TCEA1: variants seen among roughly 807,000 people sequenced by gnomAD.
The protein encoded by TCEA1 is transcription elongation factor A1.
A neutral mutation model predicts 43.8 loss-of-function variants in TCEA1; 21 were observed. That is an observed-to-expected ratio of 0.48 (90% CI 0.34 to 0.69). TCEA1 has a LOEUF of 0.69. TCEA1 is among the 30% of genes least tolerant of loss of function. The pLI is 0.01. For missense variants in TCEA1, 250 were observed against 365.1 expected, an observed-to-expected ratio of 0.68 and a Z score of 2.57; for synonymous variants, 104 against 117.5, an observed-to-expected ratio of 0.88 and a Z score of 0.75.
At chr8:53,979,608 C>G (rs890077302) in intron 7 of TCEA1, among the ~76,000 whole-genome samples, 1 of 152,158 alleles carries the variant, frequency 6.6e-6, no homozygotes, top group African/African-American at 2.4e-5. Context: ...TTGTTCAGAG[C>G]CTGAGATCAC....
intron 2 of TCEA1, among the ~76,000 whole-genome samples, chr8:54,001,000 C>T (rs1804238817): frequency 6.6e-6 from 1 of 152,046 alleles, no homozygotes; most frequent in Non-Finnish European, 1.5e-5. Context: ...CTCAGGTGAT[C>T]CACACACCTC....
chr8:53,987,312 G>A (rs1803719864), intron 5 of TCEA1, among the ~76,000 whole-genome samples: 5 of 152,184 alleles, frequency 3.3e-5, no homozygotes, highest in Admixed American at 2.0e-4. Context: ...ATAAATTCTG[G>A]CTGCTCCAGC....
At chr8:54,012,227 T>C (rs1022726398) in intron 1 of TCEA1, among the ~76,000 whole-genome samples, 10 of 152,232 alleles carry the variant, frequency 6.6e-5, no homozygotes, top group Non-Finnish European at 1.2e-4. Flanking sequence ...GTAAAGCTAT[T>C]TGTGCTCTAT....
intron 8 of TCEA1, among the ~76,000 whole-genome samples, chr8:53,974,918 G>A (rs1803284200): frequency 6.6e-6 from 1 of 151,762 alleles, no homozygotes; most frequent in African/African-American, 2.4e-5. Flanking sequence ...GGGATAATTT[G>A]AAATATATAT....
At chr8:53,992,179 G>A (rs1803903892) in intron 4 of TCEA1, among the ~76,000 whole-genome samples, 1 of 151,078 alleles carries the variant, frequency 6.6e-6, no homozygotes, top group South Asian at 2.1e-4. Flanking sequence ...AGGTGTGGTG[G>A]CATACACCCA....
chr8:54,010,291 C>T, intron 2 of TCEA1, 139 bp downstream of exon 2: 2 of 653,056 alleles, frequency 3.1e-6, no homozygotes, highest in Admixed American at 3.6e-5. Context: ...ATTTATATTG[C>T]CATCTTTAAA....
chr8:54,004,643 G>A (rs1195445926), intron 2 of TCEA1, among the ~76,000 whole-genome samples: 1 of 152,152 alleles, frequency 6.6e-6, no homozygotes, highest in Non-Finnish European at 1.5e-5. Context: ...GGGGGGAACG[G>A]AGAATGACTT....
chr8:53,980,622 C>A (rs560938125), intron 7 of TCEA1, among the ~76,000 whole-genome samples: 7 of 152,214 alleles, frequency 4.6e-5, no homozygotes, highest in African/African-American at 1.7e-4. Flanking sequence ...GTAAGCTTGA[C>A]AAATGCTGTG....
At position 53,988,173 on chromosome 8, in the gene TCEA1, G is replaced by A. The variant is rs747930544; in HGVS notation, c.407C>T (p.Thr136Ile). The change falls in exon 5 of 10, where the codon ACT becomes ATT. Residue 136 changes from threonine (T) to isoleucine (I), a missense_variant. Physicochemically the swap from Thr to Ile is moderately conservative, Grantham distance 89. Around this residue, in one of 4 missense-constraint regions of TCEA1, gnomAD observed 147 missense variants for 160.3 expected, o/e 0.92. Transcript: ENST00000521604. ...ACACTTCAACCGCACAGAATCAGAA[G>A]TGCTTGGTGCCCGAGGAAAGGATGA... ...YVSSFPRAPS[T>I]SDSVRLKCRE... is the part of the protein sequence containing the mutation. 6.2e-7 allele frequency: 1 copy of A among 1,613,006 alleles called. No individual in the cohort carries two copies. The highest frequency in any genetic ancestry group is 1.1e-5 in the South Asian group (1 of 90,904).
intron 1 of TCEA1, among the ~76,000 whole-genome samples, chr8:54,016,610 G>A (rs1010830127): frequency 4.6e-5 from 7 of 151,960 alleles, no homozygotes; most frequent in African/African-American, 7.3e-5. Context: ...AGGCTGAAGC[G>A]GGTAGATCAC....
chr8:53,974,773 G>A (rs548535134), intron 8 of TCEA1, among the ~76,000 whole-genome samples: 2 of 152,088 alleles, frequency 1.3e-5, no homozygotes, highest in South Asian at 2.1e-4. Flanking sequence ...CAGGTGATCC[G>A]CCTGCCTCAG....
chr8:54,022,088 T>C lies in TCEA1; in HGVS notation c.38A>G (p.Asp13Gly), dbSNP rs768622226. Residue 13 changes from aspartate to glycine, a missense_variant, in exon 1 of 10, where the codon GAC (aspartate) becomes GGC (glycine). Coordinates refer to ENST00000521604, the MANE Select transcript of TCEA1 (RefSeq NM_006756.4). ...DEVVRFAKKM[D>G]KMVQKKNAAG... is the part of the protein sequence containing the mutation. ...CGCGTTCTTCTTCTGCACCATCTTG[T>C]CCATCTTCTTGGCAAAGCGGACCAC... 2.5e-6 allele frequency: 4 copies of C among 1,597,978 alleles called. No homozygotes were observed. The highest frequency in any genetic ancestry group is 3.4e-6 in the Non-Finnish European group (4 of 1,172,066).
At position 54,022,111 on chromosome 8, in the gene TCEA1, C is replaced by T. The variant is rs751786399; in HGVS notation, c.15G>A (p.Val5=). 1 of 1,606,960 alleles carries T rather than the reference C, an allele frequency of 6.2e-7. No individual in the cohort carries two copies. Among genetic ancestry groups the T allele is most frequent in the African/African-American group, 1.4e-5 (1 of 73,892 alleles). MEDE[V]VRFAKKMDKM... The stretch of plus-strand genomic sequence containing the variant: ...TGTCCATCTTCTTGGCAAAGCGGAC[C>T]ACTTCGTCCTCCATGGCTCCGGCAG... The change falls in exon 1 of 10, where the codon GTG becomes GTA. Residue 5 remains valine (V), a synonymous_variant. Transcript: ENST00000521604.
chr8:53,973,264 G>A, intron 8 of TCEA1: 1 of 485,842 alleles, frequency 2.1e-6, no homozygotes, highest in South Asian at 1.9e-5. Context: ...ATATGGAAAT[G>A]GAAACGAAGT....
At chr8:54,022,001 G>A in intron 1 of TCEA1, 62 bp downstream of exon 1, 2 of 1,426,588 alleles carry the variant, frequency 1.4e-6, no homozygotes, top group Non-Finnish European at 9.2e-7. Flanking sequence ...GGAGGGGGCG[G>A]CCCCCTCGGG....
intron 2 of TCEA1, among the ~76,000 whole-genome samples, chr8:54,002,051 C>G (rs1433645352): frequency 6.6e-6 from 1 of 151,842 alleles, no homozygotes; most frequent in Non-Finnish European, 1.5e-5. Flanking sequence ...CGCCTGTAGT[C>G]CCAGCTACTC....
At chr8:53,991,388 G>C (rs572068599) in intron 4 of TCEA1, among the ~76,000 whole-genome samples, 1 of 145,200 alleles carries the variant, frequency 6.9e-6, no homozygotes. Context: ...GCAAGACTCC[G>C]TCTCAAAAAA....
At chr8:54,013,677 T>A (rs1804726782) in intron 1 of TCEA1, among the ~76,000 whole-genome samples, 1 of 40,666 alleles carries the variant, frequency 2.5e-5, no homozygotes. Context: ...CAAAACTCCA[T>A]CTCAAAAAAA....
At chr8:54,021,793 C>A (rs1805041954) in intron 1 of TCEA1, 4 of 335,598 alleles carry the variant, frequency 1.2e-5, no homozygotes, top group Middle Eastern at 8.1e-4. Context: ...CAACGGAGAG[C>A]GTGCCCTAAT....
Sources: allele counts gnomAD v4.1 joint callset (sites outside exome capture counted in the v4.1 genomes callset), GRCh38; gene constraint gnomAD v4.1.1; regional missense constraint gnomAD v4.1.1; transcripts MANE v1.5; gene names NCBI Gene and HGNC (gene_info 2026-07-23, HGNC 2026-07-21).